The following XKRX variants were observed in gnomAD, a reference collection of about 807,000 sequenced individuals.
The protein encoded by XKRX is XK-related protein 2.
A neutral mutation model predicts 22.4 loss-of-function variants in XKRX; 11 were observed. That is an observed-to-expected ratio of 0.49 (90% CI 0.31 to 0.81). The LOEUF (loss-of-function observed/expected upper bound fraction) is 0.81, where lower values mean the gene tolerates loss of function less well. Ranked by LOEUF, XKRX falls within the 40% of genes least tolerant of loss-of-function variation. XKRX has a pLI of 0.05. For missense variants in XKRX, 320 were observed against 336.5 expected (o/e 0.95, Z 0.38); for synonymous variants, 114 against 132.2 (o/e 0.86, Z 0.94).
chrX:100,900,653 GA>G, the XKRX span, among the ~76,000 whole-genome samples: 2 of 107,108 alleles, frequency 1.9e-5, no homozygotes, highest in African/African-American at 6.8e-5. Context: ...TTAAAAAAAA[GA>G]AAAAAAAGAA....
At chrX:100,926,562 T>C (rs770160784) in intron 1 of XKRX, among the ~76,000 whole-genome samples, 1 of 112,016 alleles carries the variant, frequency 8.9e-6, no homozygotes, top group Non-Finnish European at 1.9e-5. Context: ...ATCTTCCCAT[T>C]GCAACACTCT....
chrX:100,945,830 A>G, the XKRX span, among the ~76,000 whole-genome samples: 11 of 105,812 alleles, frequency 1.0e-4, no homozygotes, highest in Admixed American at 2.0e-4. Flanking sequence ...AAAAAAAAAA[A>G]AGAGATACAA....
At chrX:100,892,776 A>T in the XKRX span, among the ~76,000 whole-genome samples, 8 of 112,469 alleles carry the variant, frequency 7.1e-5, no homozygotes, top group South Asian at 2.9e-3. Context: ...AGTGGTTCCT[A>T]AAAAAGTTAA....
At chrX:100,948,940 AG>A in the XKRX span, among the ~76,000 whole-genome samples, 1 of 112,736 alleles carries the variant, frequency 8.9e-6, no homozygotes, top group Non-Finnish European at 1.9e-5. Context: ...AGTTGGTGCA[AG>A]TCATCCCTCC....
At chrX:100,945,176 T>A in the XKRX span, among the ~76,000 whole-genome samples, 2 of 107,264 alleles carry the variant, frequency 1.9e-5, no homozygotes, top group African/African-American at 6.8e-5. Context: ...CTTCCTGGGC[T>A]CAGGTGATCC....
chrX:100,938,757 A>G, the XKRX span, among the ~76,000 whole-genome samples: 19 of 112,305 alleles, frequency 1.7e-4, no homozygotes, highest in Non-Finnish European at 3.4e-4. Context: ...CTATTTAAGC[A>G]TGGCAAATTG....
the XKRX span, among the ~76,000 whole-genome samples, chrX:100,936,987 C>T: frequency 9.7e-6 from 1 of 103,458 alleles, no homozygotes; most frequent in Admixed American, 1.0e-4. Flanking sequence ...GGGCACCTAA[C>T]ACAGCCTTTT....
upstream of XKRX, among the ~76,000 whole-genome samples, chrX:100,933,495 A>AAAAAAC (rs2085527381): frequency 9.1e-6 from 1 of 109,332 alleles, no homozygotes; most frequent in African/African-American, 3.4e-5. Flanking sequence ...AAAAAAAAAA[A>AAAAAAC]AAAAACAGAA....
At chrX:100,887,745 T>G in the XKRX span, 10 of 748,796 alleles carry the variant, frequency 1.3e-5, no homozygotes, top group East Asian at 2.5e-4. Flanking sequence ...GGGCCAGAGC[T>G]TCTGCCCCAA....
At chrX:100,958,218 C>G in the XKRX span, among the ~76,000 whole-genome samples, 1 of 111,875 alleles carries the variant, frequency 8.9e-6, no homozygotes, top group African/African-American at 3.2e-5. Context: ...TCATCATGCT[C>G]AGGATTAGTA....
In XKRX at chrX:100,915,688, C is replaced by CTGTGTG. The variant is rs749763658; in HGVS notation, c.605-611_605-606dup. 3.2e-3 allele frequency among the ~76,000 whole-genome samples: 331 copies of CTGTGTG among 102,457 alleles called. No individual in the cohort carries two copies. In the East Asian group the frequency reaches 0.039, roughly 12 times the overall value. 89.0% of individuals were successfully genotyped at this position (102,457 alleles called of 115,157 possible). A position where few individuals can be genotyped will look rare whatever the true frequency, so the allele number is the denominator to read the frequency against. On this transcript the variant is annotated intron_variant, in intron 2 of 2. Coordinates refer to ENST00000372956, the MANE Select transcript of XKRX (RefSeq NM_212559.3). ...GATAAAGAAAATCTGGTGGGTGTGT[C>CTGTGTG]TGTGTGTGTGTGTGTGTGTGCGTGT...
At chrX:100,905,024 T>C in the XKRX span, among the ~76,000 whole-genome samples, 1 of 111,922 alleles carries the variant, frequency 8.9e-6, no homozygotes, top group South Asian at 3.7e-4. Context: ...ACAATGAGTA[T>C]AAAATGCTCA....
At chrX:100,890,206 G>A in the XKRX span, among the ~76,000 whole-genome samples, 8 of 110,788 alleles carry the variant, frequency 7.2e-5, no homozygotes, top group South Asian at 2.0e-3. Context: ...ACCTAAACTC[G>A]TTGTTTTTGG....
At chrX:100,931,490 C>A (rs1450934690), upstream of XKRX, among the ~76,000 whole-genome samples, 1 of 111,159 alleles carries the variant, frequency 9.0e-6, no homozygotes, top group African/African-American at 3.3e-5. Context: ...CTCCATTAGT[C>A]CAAACCATAA....
chrX:100,945,670 G>A, the XKRX span, among the ~76,000 whole-genome samples: 1 of 110,060 alleles, frequency 9.1e-6, no homozygotes, highest in East Asian at 2.8e-4. Context: ...CTGAGCCTTA[G>A]TTTCCTTGCC....
the XKRX span, among the ~76,000 whole-genome samples, chrX:100,941,320 G>A: frequency 8.9e-6 from 1 of 112,057 alleles, no homozygotes; most frequent in Non-Finnish European, 1.9e-5. Context: ...GCCAAGGTGG[G>A]TGGATCACCT....
At chrX:100,896,627 A>G in the XKRX span, among the ~76,000 whole-genome samples, 2 of 111,919 alleles carry the variant, frequency 1.8e-5, no homozygotes, top group Non-Finnish European at 3.8e-5. Context: ...ATTTCTCTGG[A>G]TGTATCTTGT....
chrX:100,889,250 A>AAAAAAG, the XKRX span, among the ~76,000 whole-genome samples: 2 of 108,611 alleles, frequency 1.8e-5, no homozygotes, highest in African/African-American at 3.3e-5. Flanking sequence ...AAAAAAAAAA[A>AAAAAAG]AAAAAGAAAA....
chrX:100,921,978 C>T (rs946957151), intron 2 of XKRX, among the ~76,000 whole-genome samples: 2 of 107,786 alleles, frequency 1.9e-5, no homozygotes, highest in African/African-American at 3.4e-5. Flanking sequence ...GGACTACAGG[C>T]GCCTGCCACC....
Sources: gnomAD v4.1 joint callset for allele counts (sites outside exome capture counted in the v4.1 genomes callset) on GRCh38, gnomAD v4.1.1 for gene constraint, MANE v1.5 for transcripts, NCBI Gene and HGNC (gene_info 2026-07-23, HGNC 2026-07-21) for gene names.